The following PRKG1 variants were observed in gnomAD, a reference collection of about 807,000 sequenced individuals.
PRKG1 encodes cGMP-dependent protein kinase 1.
Under a neutral mutation model 88.1 loss-of-function variants are expected in PRKG1, and 35 were observed. That is an observed-to-expected ratio of 0.40 (90% CI 0.30 to 0.53). The LOEUF is 0.53. Among genes scored for constraint, PRKG1 ranks in the 20% least tolerant of loss-of-function variants. PRKG1 has a pLI of 0.59. For synonymous variants in PRKG1, 303 were observed against 292.5 expected (o/e 1.04, Z -0.37); for missense variants, 540 against 839.8 (o/e 0.64, Z 4.41).
At chr10:51,161,659 G>T (rs891985721) in intron 2 of PRKG1, among the ~76,000 whole-genome samples, 1 of 151,896 alleles carries the variant, frequency 6.6e-6, no homozygotes, top group South Asian at 2.1e-4. Flanking sequence ...CAAATCGTAG[G>T]TCACATTAAA....
chr10:51,339,121 A>G (rs1164909471), intron 2 of PRKG1, among the ~76,000 whole-genome samples: 4 of 152,172 alleles, frequency 2.6e-5, no homozygotes, highest in Non-Finnish European at 5.9e-5. Flanking sequence ...TTTCTAGGCA[A>G]AATCTTCAAA....
chr10:52,200,303 A>T (rs11001164), intron 9 of PRKG1, among the ~76,000 whole-genome samples: 23,628 of 152,134 alleles, frequency 0.16, 2,072 homozygotes, highest in South Asian at 0.26. Flanking sequence ...AAATGATAAC[A>T]GGCAGTATTT....
chr10:51,583,104 T>A (rs1052901002), intron 3 of PRKG1, among the ~76,000 whole-genome samples: 2 of 152,138 alleles, frequency 1.3e-5, no homozygotes, highest in Non-Finnish European at 2.9e-5. Context: ...TATGTTTCTA[T>A]ATAGGAGAGT....
intron 1 of PRKG1, among the ~76,000 whole-genome samples, chr10:51,147,079 TAG>T (rs968563713): frequency 1.3e-5 from 2 of 152,108 alleles, no homozygotes; most frequent in African/African-American, 4.8e-5. Context: ...CACTAATATG[TAG>T]ATTGAATGCA....
chr10:51,874,048 C>T (rs2132863522), intron 4 of PRKG1, among the ~76,000 whole-genome samples: 1 of 152,162 alleles, frequency 6.6e-6, no homozygotes, highest in Middle Eastern at 3.4e-3. Context: ...AAATTAAGGC[C>T]CATAGCCAGT....
At chr10:51,286,969 C>T (rs943522270) in intron 2 of PRKG1, among the ~76,000 whole-genome samples, 8 of 152,124 alleles carry the variant, frequency 5.3e-5, no homozygotes, top group Admixed American at 2.6e-4. Flanking sequence ...CTTGACTTTT[C>T]GGGTTTAAAG....
chr10:51,369,440 A>G (rs1225179720), intron 2 of PRKG1, among the ~76,000 whole-genome samples: 2 of 152,110 alleles, frequency 1.3e-5, no homozygotes, highest in African/African-American at 2.4e-5. Context: ...AGGTTTCAAC[A>G]TATGAATTTG....
intron 3 of PRKG1, among the ~76,000 whole-genome samples, chr10:51,556,481 C>A (rs1431267886): frequency 6.6e-6 from 1 of 151,762 alleles, no homozygotes; most frequent in Non-Finnish European, 1.5e-5. Flanking sequence ...ATGGACCCAA[C>A]CTAGGTGCTC....
chr10:51,357,421 G>A (rs747635547), intron 2 of PRKG1, among the ~76,000 whole-genome samples: 25 of 151,912 alleles, frequency 1.6e-4, no homozygotes, highest in Non-Finnish European at 2.2e-4. Flanking sequence ...AGGGTGACTC[G>A]ATTAGGAGAC....
At chr10:52,093,020 G>C (rs1847091442) in intron 7 of PRKG1, among the ~76,000 whole-genome samples, 1 of 152,124 alleles carries the variant, frequency 6.6e-6, no homozygotes, top group Non-Finnish European at 1.5e-5. Flanking sequence ...AGTGTGACTA[G>C]ATAAATGAAA....
At chr10:51,885,691 T>C (rs1404923779) in intron 4 of PRKG1, among the ~76,000 whole-genome samples, 6 of 152,214 alleles carry the variant, frequency 3.9e-5, no homozygotes, top group Non-Finnish European at 7.3e-5. Context: ...CTGTTCCCAG[T>C]TCTGGAATGC....
chr10:51,964,626 A>G (rs1398102513), intron 5 of PRKG1, among the ~76,000 whole-genome samples: 5 of 152,252 alleles, frequency 3.3e-5, no homozygotes, highest in Non-Finnish European at 7.3e-5. Flanking sequence ...AAGAAACTAG[A>G]ATATACTAAC....
chr10:51,235,235 G>T (rs111485644), intron 2 of PRKG1, among the ~76,000 whole-genome samples: 2,233 of 152,198 alleles, frequency 0.015, 31 homozygotes, highest in Middle Eastern at 0.044. Context: ...TGTGGTATCT[G>T]GGAAAGGCAG....
chr10:52,157,314 T>TATAC (rs1564494159), intron 8 of PRKG1, among the ~76,000 whole-genome samples: 30 of 43,550 alleles, frequency 6.9e-4, no homozygotes, highest in Non-Finnish European at 1.2e-3. Context: ...TTGATATATA[T>TATAC]ATATATATAT....
At chr10:52,076,387 T>C (rs922365334) in intron 7 of PRKG1, among the ~76,000 whole-genome samples, 2 of 152,198 alleles carry the variant, frequency 1.3e-5, no homozygotes, top group Non-Finnish European at 1.5e-5. Context: ...CGAAACCCTG[T>C]CTCTACTAAA....
chr10:51,185,727 A>G (rs1333024540), intron 2 of PRKG1, among the ~76,000 whole-genome samples: 5 of 151,792 alleles, frequency 3.3e-5, no homozygotes, highest in Admixed American at 2.6e-4. Context: ...TAATGATTGC[A>G]TAGTATTCTA....
intron 3 of PRKG1, among the ~76,000 whole-genome samples, chr10:51,731,411 C>G (rs1842268597): frequency 6.6e-6 from 1 of 152,070 alleles, no homozygotes; most frequent in South Asian, 2.1e-4. Context: ...TTAATATTCC[C>G]CCACCCTTGG....
chr10:52,282,199 G>A lies in PRKG1; in HGVS notation c.1592G>A (p.Trp531Ter). The change falls in exon 14 of 18, where the codon TGG becomes TAG. Residue 531 changes from tryptophan (W) to a stop codon, truncating the protein, a stop_gained. Coordinates refer to ENST00000373980, the MANE Select transcript of PRKG1 (RefSeq NM_006258.4). LOFTEE classifies it high-confidence loss of function. ...AAAATAGGATTTGGAAAGAAAACAT[G>A]GACTTTTTGTGGGACTCCAGAGTAT... ...AKKIGFGKKT[W>*]TFCGTPEYVA... 6.2e-7 allele frequency: 1 copy of A among 1,607,996 alleles called. No individual in the cohort carries two copies. Among genetic ancestry groups the A allele is most frequent in the Non-Finnish European group, 8.5e-7 (1 of 1,176,700 alleles).
intron 1 of PRKG1, among the ~76,000 whole-genome samples, chr10:51,000,704 A>G (rs2132714380): frequency 6.6e-6 from 1 of 152,272 alleles, no homozygotes; most frequent in South Asian, 2.1e-4. Flanking sequence ...CTGTGTAGCT[A>G]TGTTGCTGAG....
Sources: gnomAD v4.1 joint callset for allele counts (sites outside exome capture counted in the v4.1 genomes callset) on GRCh38, gnomAD v4.1.1 for gene constraint, MANE v1.5 for transcripts, NCBI Gene and HGNC (gene_info 2026-07-23, HGNC 2026-07-21) for gene names.